Variants in ITGA9 observed in about 807,000 individuals in gnomAD.
The protein encoded by ITGA9 is integrin alpha-9.
ITGA9 carries 56 observed loss-of-function variants against 127.8 expected under a neutral mutation model. That is an observed-to-expected ratio of 0.44 (90% CI 0.35 to 0.55). ITGA9 has a LOEUF of 0.55. ITGA9 is among the 20% of genes least tolerant of loss of function. The probability of loss-of-function intolerance (pLI) is 0.00; values close to 1 mark genes in which losing one functional copy is unlikely to be tolerated. For missense variants in ITGA9, 1,196 were observed against 1,347.1 expected (o/e 0.89, Z 1.76); for synonymous variants, 508 against 514.5 (o/e 0.99, Z 0.17).
rs543837839 is a variant in ITGA9, at chr3:37,586,359, C to A, written c.1690-42828C>A. ...TGCCTGGATCATGAAAGAGGTGTTT[C>A]TAGAAAGCTCTGCAAAGGACTTTCT... On this transcript the variant is annotated intron_variant, in intron 15 of 27. Coordinates refer to ENST00000264741, the MANE Select transcript of ITGA9 (RefSeq NM_002207.3). Among the ~76,000 whole-genome samples the A allele has an allele frequency of 1.8e-4, 28 of 152,276 alleles. No individual in the cohort carries two copies. In the South Asian group the frequency reaches 4.8e-3, roughly 26 times the overall value.
At chr3:37,767,852 T>C (rs537680749) in intron 23 of ITGA9, among the ~76,000 whole-genome samples, 28 of 152,316 alleles carry the variant, frequency 1.8e-4, no homozygotes, top group Non-Finnish European at 3.2e-4. Flanking sequence ...AAGAATGCCA[T>C]TGAAAACTCC....
In ITGA9 at chr3:37,481,521, C is replaced by T; in HGVS notation, c.458C>T (p.Ala153Val). 1.2e-6 allele frequency: 2 copies of T among 1,614,212 alleles called. No homozygotes were observed. Among genetic ancestry groups the T allele is most frequent in the East Asian group, 4.5e-5 (2 of 44,880 alleles). Reference protein sequence around the residue: ...AHRWKNIYYEADHILPHGFCY... With the variant: ...AHRWKNIYYEVDHILPHGFCY... ...CGCTGGAAGAACATCTACTATGAAG[C>T]CGACCACATCCTACCCCATGGCTTC... Residue 153 changes from alanine to valine, a missense_variant, in exon 4 of 28, where the codon GCC becomes GTC. By Grantham distance (64) the Ala-to-Val change is moderately conservative. Transcript: ENST00000264741.
chr3:37,691,100 G>A (rs918412942), intron 18 of ITGA9, among the ~76,000 whole-genome samples: 1 of 152,194 alleles, frequency 6.6e-6, no homozygotes, highest in Non-Finnish European at 1.5e-5. Flanking sequence ...ACATGGTTTT[G>A]GAAAAATGCT....
intron 15 of ITGA9, among the ~76,000 whole-genome samples, chr3:37,605,798 A>G (rs925425241): frequency 3.9e-5 from 6 of 152,204 alleles, no homozygotes; most frequent in African/African-American, 1.2e-4. Flanking sequence ...CTTTACTGCC[A>G]TCAGTGTCTC....
intron 15 of ITGA9, among the ~76,000 whole-genome samples, chr3:37,548,740 G>T (rs1699351560): frequency 6.6e-6 from 1 of 152,144 alleles, no homozygotes; most frequent in Non-Finnish European, 1.5e-5. Flanking sequence ...AGGGGCCCTG[G>T]TGCTCTCTAA....
intron 4 of ITGA9, among the ~76,000 whole-genome samples, chr3:37,491,264 A>G (rs1373188533): frequency 6.6e-6 from 1 of 152,148 alleles, no homozygotes; most frequent in Non-Finnish European, 1.5e-5. Flanking sequence ...GGTGTCAGCC[A>G]CCGTGCTGGC....
intron 15 of ITGA9, chr3:37,585,686 G>A (rs973594234): frequency 1.4e-5 from 7 of 509,494 alleles, no homozygotes; most frequent in African/African-American, 7.7e-5. Context: ...AACTACAGGT[G>A]AAACGTAACA....
chr3:37,696,338 A>G (rs949339942), intron 18 of ITGA9, among the ~76,000 whole-genome samples: 4 of 152,040 alleles, frequency 2.6e-5, no homozygotes, highest in African/African-American at 7.3e-5. Context: ...CAGTGAGTCT[A>G]CTCCCTTCAG....
At position 37,452,663 on chromosome 3, in the gene ITGA9, C is replaced by A. The variant is rs975777154; in HGVS notation, c.185+104C>A. 2.9e-6 allele frequency: 3 copies of A among 1,041,076 alleles called. No individual in the cohort carries two copies. The highest frequency in any genetic ancestry group is 1.9e-5 in the South Asian group (1 of 53,880). The allele number at this position is 1,041,076 out of a possible 1,614,324, so 64.5% of individuals were successfully genotyped here. A position where few individuals can be genotyped will look rare whatever the true frequency, so the allele number is the denominator to read the frequency against. ...TCCGGTCTCTTCCACGCCGCCGTCC[C>A]GAGGGGGCGATTTAAATGTCTCCGT... On this transcript the variant is annotated intron_variant, in intron 1 of 27. Transcript: ENST00000264741. This position sits in a 1 kb window ranked among gnomAD's most constrained non-coding sequence, Gnocchi z 7.3.
chr3:37,460,439 A>G (rs576439524), intron 1 of ITGA9, among the ~76,000 whole-genome samples: 27 of 152,220 alleles, frequency 1.8e-4, no homozygotes, highest in African/African-American at 6.5e-4. Context: ...AATAACTAAA[A>G]GAGTATAATT....
chr3:37,709,907 G>A (rs143119094), intron 18 of ITGA9, among the ~76,000 whole-genome samples: 93 of 152,266 alleles, frequency 6.1e-4, no homozygotes, highest in African/African-American at 1.9e-3. Flanking sequence ...CCCAAGAGGC[G>A]GAAGTTGCAG....
chr3:37,608,512 A>G (rs574653386), intron 15 of ITGA9, among the ~76,000 whole-genome samples: 1 of 152,326 alleles, frequency 6.6e-6, no homozygotes, highest in Admixed American at 6.5e-5. Context: ...CATGGACTCC[A>G]GACACTTCAC....
In ITGA9 at chr3:37,803,943, G is replaced by T. The variant is rs772639887; in HGVS notation, c.3009+1G>T. 6.2e-7 allele frequency: 1 copy of T among 1,614,118 alleles called. No homozygotes were observed. Among genetic ancestry groups the T allele is most frequent in the Non-Finnish European group, 8.5e-7 (1 of 1,179,998 alleles). On this transcript the variant is annotated splice_donor_variant, in intron 27 of 27. Transcript: ENST00000264741. LOFTEE classifies it high-confidence loss of function. The stretch of plus-strand genomic sequence containing the variant: ...GCTGCTGGCCGTGCTGCTCTGGAAG[G>T]TGAGTCTGGTGATTGCAGGTCCCCC...
chr3:37,692,231 A>C (rs1700839166), intron 18 of ITGA9, among the ~76,000 whole-genome samples: 1 of 152,242 alleles, frequency 6.6e-6, no homozygotes, highest in East Asian at 1.9e-4. Context: ...TTTATAGCTC[A>C]TTCATTTACT....
chr3:37,642,240 A>G (rs2364188), intron 16 of ITGA9, among the ~76,000 whole-genome samples: 48,733 of 152,166 alleles, frequency 0.32, 7,886 homozygotes, highest in Admixed American at 0.37. Flanking sequence ...GCCACCGTGC[A>G]TGGCCTTAGC....
At chr3:37,683,306 T>C (rs1282586078) in intron 17 of ITGA9, among the ~76,000 whole-genome samples, 2 of 152,224 alleles carry the variant, frequency 1.3e-5, no homozygotes, top group East Asian at 3.8e-4. Flanking sequence ...ACCTCATCAG[T>C]GAGACTTCCC....
chr3:37,675,798 C>T (rs988861382), intron 17 of ITGA9, among the ~76,000 whole-genome samples: 2 of 138,998 alleles, frequency 1.4e-5, no homozygotes, highest in East Asian at 2.1e-4. Flanking sequence ...GACTGGAGTG[C>T]AGTGGTGTGA....
intron 18 of ITGA9, among the ~76,000 whole-genome samples, chr3:37,698,192 T>C (rs556347014): frequency 1.3e-5 from 2 of 152,354 alleles, no homozygotes; most frequent in African/African-American, 2.4e-5. Flanking sequence ...GTTTGTTTTT[T>C]TTCTTGTACA....
At chr3:37,621,972 A>G (rs2125631810) in intron 15 of ITGA9, among the ~76,000 whole-genome samples, 1 of 152,240 alleles carries the variant, frequency 6.6e-6, no homozygotes, top group Non-Finnish European at 1.5e-5. Context: ...TCAAGTCAAT[A>G]TTTATAACTG....
Sources: gnomAD v4.1 joint callset for allele counts (sites outside exome capture counted in the v4.1 genomes callset) on GRCh38, gnomAD v4.1.1 for gene constraint, Gnocchi (gnomAD v3.1) non-coding constraint, MANE v1.5 for transcripts, NCBI Gene and HGNC (gene_info 2026-07-23, HGNC 2026-07-21) for gene names.